The following FAR2 variants were observed in gnomAD, a reference collection of about 807,000 sequenced individuals.
The protein encoded by FAR2 is epididymis secretory protein Li 81.
A neutral mutation model predicts 56.0 loss-of-function variants in FAR2; 19 were observed. That is an observed-to-expected ratio of 0.34 (90% CI 0.24 to 0.50). The LOEUF (loss-of-function observed/expected upper bound fraction) is 0.50, where lower values mean the gene tolerates loss of function less well. Ranked by LOEUF, FAR2 falls within the 20% of genes least tolerant of loss-of-function variation. The pLI is 0.98. For missense variants in FAR2, 508 were observed against 642.2 expected (o/e 0.79, Z 2.26); for synonymous variants, 219 against 218.8 (o/e 1.00, Z -0.01).
At chr12:29,222,483 T>C (rs1947707010) in intron 1 of FAR2, among the ~76,000 whole-genome samples, 1 of 152,042 alleles carries the variant, frequency 6.6e-6, no homozygotes, top group Non-Finnish European at 1.5e-5. Flanking sequence ...AATGGACAGT[T>C]ACTATGAGGA....
At chr12:29,186,989 C>A (rs1184770048) in intron 1 of FAR2, among the ~76,000 whole-genome samples, 1 of 151,980 alleles carries the variant, frequency 6.6e-6, no homozygotes, top group African/African-American at 2.4e-5. Flanking sequence ...GGGGTTTCAC[C>A]GTGTTAGCCA....
chr12:29,331,596 A>G (rs1251758537), intron 10 of FAR2: 1 of 152,064 alleles, frequency 6.6e-6, no homozygotes, highest in East Asian at 1.9e-4. Context: ...AATCAAAACT[A>G]TTTTTTCTAA....
intron 1 of FAR2, among the ~76,000 whole-genome samples, chr12:29,236,245 C>T (rs1181579209): frequency 6.6e-6 from 1 of 152,124 alleles, no homozygotes; most frequent in Non-Finnish European, 1.5e-5. Flanking sequence ...AATTAAGAGA[C>T]ATGGCTAGTA....
At chr12:29,258,118 T>G (rs1001972519) in intron 1 of FAR2, among the ~76,000 whole-genome samples, 1 of 149,262 alleles carries the variant, frequency 6.7e-6, no homozygotes, top group Non-Finnish European at 1.5e-5. Context: ...CTGAGGCGGG[T>G]GGATCACCTG....
intron 1 of FAR2, among the ~76,000 whole-genome samples, chr12:29,268,884 A>T (rs1265748241): frequency 1.3e-5 from 2 of 152,098 alleles, no homozygotes; most frequent in African/African-American, 4.8e-5. Flanking sequence ...TTTATTAGGG[A>T]TTTTCAAAAG....
intron 1 of FAR2, among the ~76,000 whole-genome samples, chr12:29,177,285 A>G (rs1949947799): frequency 1.3e-5 from 2 of 152,194 alleles, no homozygotes; most frequent in Admixed American, 1.3e-4. Flanking sequence ...CAGGATAGCA[A>G]TGGCGGGGGG....
intron 1 of FAR2, among the ~76,000 whole-genome samples, chr12:29,153,184 G>A (rs753489533): frequency 6.6e-6 from 1 of 152,138 alleles, no homozygotes; most frequent in Non-Finnish European, 1.5e-5. Flanking sequence ...TAAACATGTA[G>A]GAATACATTG....
intron 10 of FAR2, among the ~76,000 whole-genome samples, chr12:29,326,515 C>G (rs960956515): frequency 6.6e-6 from 1 of 152,158 alleles, no homozygotes; most frequent in Non-Finnish European, 1.5e-5. Context: ...AAAATACTGG[C>G]AAACCAAATC....
At chr12:29,308,056 CG>C (rs1349042556) in intron 5 of FAR2, 2 of 435,178 alleles carry the variant, frequency 4.6e-6, no homozygotes, top group Non-Finnish European at 8.1e-6. Context: ...TAGAGTTGGA[CG>C]GAGAGCTTAA....
intron 10 of FAR2, among the ~76,000 whole-genome samples, chr12:29,327,332 G>A (rs986115372): frequency 6.6e-6 from 1 of 152,112 alleles, no homozygotes; most frequent in Non-Finnish European, 1.5e-5. Flanking sequence ...TACTGCCCAA[G>A]GTAATTTATA....
chr12:29,274,670 G>T (rs1439894255), intron 2 of FAR2, among the ~76,000 whole-genome samples: 1 of 151,850 alleles, frequency 6.6e-6, no homozygotes, highest in African/African-American at 2.4e-5. Context: ...TGTGAAAATG[G>T]CCTGTTCCTG....
At chr12:29,209,787 G>A (rs1258331001) in intron 1 of FAR2, among the ~76,000 whole-genome samples, 2 of 151,916 alleles carry the variant, frequency 1.3e-5, no homozygotes, top group Non-Finnish European at 2.9e-5. Context: ...AAGCAGATGA[G>A]CTGATTTTAA....
chr12:29,191,742 A>G (rs765976486), intron 1 of FAR2, among the ~76,000 whole-genome samples: 3 of 152,238 alleles, frequency 2.0e-5, no homozygotes, highest in Non-Finnish European at 4.4e-5. Flanking sequence ...ATAACATTGC[A>G]TTAACAGGCT....
intron 4 of FAR2, among the ~76,000 whole-genome samples, chr12:29,302,448 C>A (rs1486083207): frequency 1.3e-5 from 2 of 151,950 alleles, no homozygotes; most frequent in Admixed American, 6.6e-5. Context: ...TGCACACGTG[C>A]CTGGCAGGGC....
At chr12:29,180,002 A>G (rs1057355887) in intron 1 of FAR2, among the ~76,000 whole-genome samples, 2 of 152,218 alleles carry the variant, frequency 1.3e-5, no homozygotes, top group African/African-American at 2.4e-5. Context: ...TGTTTATCTC[A>G]TATTTGCAAT....
chr12:29,236,708 C>G (rs535351504), intron 1 of FAR2, among the ~76,000 whole-genome samples: 30 of 151,962 alleles, frequency 2.0e-4, no homozygotes, highest in Non-Finnish European at 3.2e-4. Flanking sequence ...GTCCCTCCCT[C>G]GACACCTGGG....
At chr12:29,318,316 G>T (rs1205800798) in intron 9 of FAR2, among the ~76,000 whole-genome samples, 2 of 152,134 alleles carry the variant, frequency 1.3e-5, no homozygotes, top group African/African-American at 4.8e-5. Flanking sequence ...TATTTGTATG[G>T]GGCTTATTAA....
chr12:29,323,833 A>G (rs572280030), intron 10 of FAR2, among the ~76,000 whole-genome samples: 3 of 152,388 alleles, frequency 2.0e-5, no homozygotes, highest in East Asian at 3.9e-4. Context: ...GCTAAAAATC[A>G]GAGTGCCTCT....
chr12:29,183,256 T>G (rs1191092076), intron 1 of FAR2, among the ~76,000 whole-genome samples: 1 of 152,206 alleles, frequency 6.6e-6, no homozygotes, highest in Non-Finnish European at 1.5e-5. Context: ...ATTCACTCTT[T>G]TAAGATTCCT....
Sources: gnomAD v4.1 joint callset for allele counts (sites outside exome capture counted in the v4.1 genomes callset) on GRCh38, gnomAD v4.1.1 for gene constraint, MANE v1.5 for transcripts, NCBI Gene and HGNC (gene_info 2026-07-23, HGNC 2026-07-21) for gene names.